Variants in KIAA1958 observed in about 807,000 individuals in gnomAD.
KIAA1958 encodes uncharacterized protein KIAA1958.
A neutral mutation model predicts 47.2 loss-of-function variants in KIAA1958; 14 were observed. That is an observed-to-expected ratio of 0.30 (90% confidence interval 0.20 to 0.46). KIAA1958 has a LOEUF of 0.46. Ranked by LOEUF, KIAA1958 falls within the 20% of genes least tolerant of loss-of-function variation. The probability of loss-of-function intolerance (pLI) is 1.00; values close to 1 mark genes in which losing one functional copy is unlikely to be tolerated. For synonymous variants in KIAA1958, 354 were observed against 353.3 expected, an observed-to-expected ratio of 1.00 and a Z score of -0.02; for missense variants, 803 against 909.2, an observed-to-expected ratio of 0.88 and a Z score of 1.50.
At chr9:112,610,459 G>A (rs1336264231) in intron 2 of KIAA1958, among the ~76,000 whole-genome samples, 1 of 151,970 alleles carries the variant, frequency 6.6e-6, no homozygotes, top group Non-Finnish European at 1.5e-5. Context: ...GGGTATGGAG[G>A]AGAGATTAAG....
intron 2 of KIAA1958, among the ~76,000 whole-genome samples, chr9:112,634,477 A>C (rs764465083): frequency 3.5e-4 from 53 of 152,088 alleles, no homozygotes; most frequent in Non-Finnish European, 6.5e-4. Flanking sequence ...GTGATCCGCC[A>C]GCCTTGGCCT....
At chr9:112,643,095 A>G (rs1199538988) in intron 2 of KIAA1958, among the ~76,000 whole-genome samples, 2 of 152,258 alleles carry the variant, frequency 1.3e-5, no homozygotes, top group East Asian at 1.9e-4. Context: ...TTGAAGGTTC[A>G]TCTGAGTACA....
intron 1 of KIAA1958, among the ~76,000 whole-genome samples, chr9:112,544,627 T>G (rs1216914336): frequency 6.6e-6 from 1 of 152,206 alleles, no homozygotes; most frequent in Non-Finnish European, 1.5e-5. Context: ...CAGAGCTCTG[T>G]AATCTACTCT....
chr9:112,578,958 G>T (rs1187140485), intron 2 of KIAA1958, among the ~76,000 whole-genome samples: 1 of 151,692 alleles, frequency 6.6e-6, no homozygotes, highest in African/African-American at 2.4e-5. Flanking sequence ...TTATTAATCA[G>T]CTTTTTTCCC....
chr9:112,613,859 T>C (rs1836367854), intron 2 of KIAA1958, among the ~76,000 whole-genome samples: 1 of 152,216 alleles, frequency 6.6e-6, no homozygotes. Context: ...TTGTCTTTAG[T>C]ATTATGGCTG....
rs183423477 is a variant in KIAA1958, at chr9:112,557,982, T to C, written c.-24-16075T>C. ...TGGCTCATGCCTGTAATCCCAGCAC[T>C]TTGGGAGGCCGAGGCGGGTGGATCA... On this transcript the variant is annotated intron_variant, in intron 1 of 3. Transcript: ENST00000337530. Among the ~76,000 whole-genome samples, 86 of 152,234 alleles carry C rather than the reference T, an allele frequency of 5.6e-4. 1 individual carries two copies. Among genetic ancestry groups the C allele is most frequent in the African/African-American group, 2.1e-3 (86 of 41,544 alleles).
chr9:112,519,209 G>A (rs1053305320), intron 1 of KIAA1958, among the ~76,000 whole-genome samples: 1 of 152,108 alleles, frequency 6.6e-6, no homozygotes, highest in Admixed American at 6.5e-5. Flanking sequence ...CTTCCAAAGT[G>A]TTAGGATTAC....
At chr9:112,632,141 C>A (rs985280223) in intron 2 of KIAA1958, among the ~76,000 whole-genome samples, 6 of 152,058 alleles carry the variant, frequency 3.9e-5, no homozygotes, top group African/African-American at 1.4e-4. Flanking sequence ...GAGCTAATCA[C>A]TAACCAATGT....
chr9:112,490,507 C>T (rs1238209937), intron 1 of KIAA1958, among the ~76,000 whole-genome samples: 2 of 152,148 alleles, frequency 1.3e-5, no homozygotes, highest in Non-Finnish European at 2.9e-5. Context: ...TGCTCTGGTC[C>T]GTTTCCTAGG....
At chr9:112,635,112 G>T (rs1836780780) in intron 2 of KIAA1958, among the ~76,000 whole-genome samples, 1 of 151,782 alleles carries the variant, frequency 6.6e-6, no homozygotes, top group African/African-American at 2.4e-5. Context: ...TAAAAGAAGT[G>T]AGTGTTCCCT....
intron 1 of KIAA1958, among the ~76,000 whole-genome samples, chr9:112,540,387 C>G (rs1480959966): frequency 2.0e-5 from 3 of 152,086 alleles, no homozygotes; most frequent in African/African-American, 7.2e-5. Flanking sequence ...TATGTATGCA[C>G]ACATATAGAT....
chr9:112,662,952 G>A lies in KIAA1958; in HGVS notation c.*2883G>A, dbSNP rs918154294. ...TAAACCTTACCTTCTGGGGACTCCA[G>A]GATTTTCTGCTCTTGGCCTAATGCA... On this transcript the variant is annotated 3_prime_UTR_variant, in exon 4 of 4. Transcript: ENST00000337530. 3.3e-5 allele frequency: 5 copies of A among 152,206 alleles called. No individual in the cohort carries two copies. The highest frequency in any genetic ancestry group is 7.3e-5 in the Non-Finnish European group (5 of 68,062). 9.4% of individuals were successfully genotyped at this position (152,206 alleles called of 1,614,324 possible).
rs202030568 is a variant in KIAA1958 at position 112,509,931 on chromosome 9, A to T, written c.-25+22813A>T. Among the ~76,000 whole-genome samples the T allele has an allele frequency of 5.3e-5, 8 of 152,328 alleles. No homozygotes were observed. In the East Asian group the frequency reaches 1.5e-3, roughly 29 times the overall value. ...ATTAACATGAAGACACTGGGGAGTC[A>T]GTCAACAGAGGTGGTTTGTGTGTGT... On this transcript the variant is annotated intron_variant, in intron 1 of 3. Transcript: ENST00000337530.
chr9:112,605,550 T>C (rs1290420702), intron 2 of KIAA1958, among the ~76,000 whole-genome samples: 1 of 152,192 alleles, frequency 6.6e-6, no homozygotes. Flanking sequence ...TAGGTTTGTA[T>C]CATAACAGAG....
chr9:112,498,168 A>G (rs1834076110), intron 1 of KIAA1958, among the ~76,000 whole-genome samples: 1 of 152,158 alleles, frequency 6.6e-6, no homozygotes, highest in Non-Finnish European at 1.5e-5. Context: ...ACATCTTCTG[A>G]AAACAAGGAG....
At chr9:112,604,672 T>C (rs543534102) in intron 2 of KIAA1958, among the ~76,000 whole-genome samples, 13 of 152,238 alleles carry the variant, frequency 8.5e-5, no homozygotes, top group Admixed American at 4.6e-4. Flanking sequence ...ATGCAAGTTC[T>C]AGAGGAAAGA....
rs139831322 is a variant in KIAA1958 at position 112,547,791 on chromosome 9, T to C, written c.-24-26266T>C. Among the ~76,000 whole-genome samples the C allele has an allele frequency of 2.9e-3, 439 of 152,280 alleles. 2 individuals are homozygous for C. The highest frequency in any genetic ancestry group is 1.0e-2 in the African/African-American group (414 of 41,562). On this transcript the variant is annotated intron_variant, in intron 1 of 3. Transcript: ENST00000337530. Reference sequence around the variant, plus strand: ...TCCCTGGTCCAGGAGAGAATTAACTTAACAGTCTCTGGCACCTTTTTAAGT... The same window carrying C: ...TCCCTGGTCCAGGAGAGAATTAACTCAACAGTCTCTGGCACCTTTTTAAGT...
At chr9:112,631,881 TG>T (rs1449371822) in intron 2 of KIAA1958, among the ~76,000 whole-genome samples, 1 of 152,186 alleles carries the variant, frequency 6.6e-6, no homozygotes, top group Non-Finnish European at 1.5e-5. Context: ...TATTTTATAG[TG>T]CTGTTGTTAG....
At chr9:112,528,953 C>T (rs1834706557) in intron 1 of KIAA1958, among the ~76,000 whole-genome samples, 1 of 152,054 alleles carries the variant, frequency 6.6e-6, no homozygotes, top group African/African-American at 2.4e-5. Flanking sequence ...TGAAACTTTT[C>T]CTTTAGAACT....
Sources: gnomAD v4.1 joint callset for allele counts (sites outside exome capture counted in the v4.1 genomes callset) on GRCh38, gnomAD v4.1.1 for gene constraint, MANE v1.5 for transcripts, NCBI Gene and HGNC (gene_info 2026-07-23, HGNC 2026-07-21) for gene names.